SIGLEC1: variants seen among roughly 807,000 people sequenced by gnomAD.
SIGLEC1 encodes sialic acid binding Ig like lectin 1.
SIGLEC1 carries 132 observed loss-of-function variants against 148.0 expected under a neutral mutation model. That is an observed-to-expected ratio of 0.89 (90% CI 0.77 to 1.03). The LOEUF is 1.03. Ranked by LOEUF, SIGLEC1 falls within the 50% of genes least tolerant of loss-of-function variation. The pLI is 0.00. For synonymous variants in SIGLEC1, 945 were observed against 969.0 expected, an observed-to-expected ratio of 0.98 and a Z score of 0.46; for missense variants, 2,253 against 2,271.4, an observed-to-expected ratio of 0.99 and a Z score of 0.16.
In SIGLEC1 at chr20:3,688,604, C is replaced by T; in HGVS notation, c.5086G>A (p.Ala1696Thr). Residue 1696 changes from alanine (A) to threonine (T), a missense_variant, in exon 22 of 22, where the codon GCA (alanine) becomes ACA (threonine). Coordinates refer to ENST00000344754, the MANE Select transcript of SIGLEC1 (RefSeq NM_023068.4). ...CAGGTTGAGGTCTCACATGTGGCTGCATCAGGATCAATGAGCTTCCCACAG... is the reference window on the plus strand; with the variant it reads ...CAGGTTGAGGTCTCACATGTGGCTGTATCAGGATCAATGAGCTTCCCACAG... ...KETTQLIDPD[A>T]ATCETSTCAP... 2 of 1,601,150 alleles carry T rather than the reference C, an allele frequency of 1.2e-6. No individual in the cohort carries two copies. Among genetic ancestry groups the T allele is most frequent in the Non-Finnish European group, 1.7e-6 (2 of 1,173,466 alleles).
chr20:3,692,627 T>G lies in SIGLEC1; in HGVS notation c.3924A>C (p.Ser1308=). The G allele has an allele frequency of 6.2e-7, 1 of 1,612,856 alleles. No homozygotes were observed. Among genetic ancestry groups the G allele is most frequent in the Non-Finnish European group, 8.5e-7 (1 of 1,179,984 alleles). The change falls in exon 16 of 22, where the codon TCA becomes TCC. Residue 1308 remains serine (S), a synonymous_variant. Transcript: ENST00000344754. Reference sequence around the variant, plus strand: ...CCCGCGTGGCCACCAGGAATGAGAGTGAGGCAGCTGGACCCTCCTGCAGCC... The same window carrying G: ...CCCGCGTGGCCACCAGGAATGAGAGGGAGGCAGCTGGACCCTCCTGCAGCC... The part of the protein sequence containing the change: ...GRWLQEGPAA[S]LSFLVATRAH...
rs16988862 is a variant in SIGLEC1 at position 3,689,448 on chromosome 20, T to C, written c.4997+152A>G. On this transcript the variant is annotated intron_variant, in intron 20 of 21. Transcript: ENST00000344754. ...AGCAAGGAGGATTTAGGGACAATTC[T>C]AGAAGGGATTTCCAATTTGGAGGGG... The C allele has an allele frequency of 0.011, 6,985 of 659,954 alleles. 301 individuals carry two copies. The African/African-American group carries it at 0.11, about 10-fold the overall frequency. The allele number at this position is 659,954 out of a possible 1,614,324, so 40.9% of individuals were successfully genotyped here.
intron 11 of SIGLEC1, among the ~76,000 whole-genome samples, chr20:3,696,044 C>T (rs1025382468): frequency 2.0e-5 from 3 of 151,694 alleles, no homozygotes; most frequent in African/African-American, 4.8e-5. Context: ...GTGATCCGCC[C>T]GCCTCAGCCT....
rs2088784420 is a variant in SIGLEC1 at position 3,693,248 on chromosome 20, A to G, written c.3509-117T>C. On this transcript the variant is annotated intron_variant, in intron 14 of 21. Transcript: ENST00000344754. ...CTCCCCACCCCTATGGCTCCCAACC[A>G]CCCAGTCTGAGGCACTGCTCCTCTG... 4.7e-6 allele frequency: 6 copies of G among 1,273,750 alleles called. No individual in the cohort carries two copies. The East Asian group carries it at 1.2e-4, about 26-fold the overall frequency. 78.9% of individuals were successfully genotyped at this position (1,273,750 alleles called of 1,614,324 possible).
Position 3,707,075 on chromosome 20 carries a change from C to T in SIGLEC1, c.49+5G>A, listed in dbSNP as rs767646360. The T allele has an allele frequency of 1.9e-6, 3 of 1,613,894 alleles. No homozygotes were observed. Among genetic ancestry groups the T allele is most frequent in the Non-Finnish European group, 2.5e-6 (3 of 1,179,916 alleles). ...GAAGACAGGCACTAGGCCCGCAAAG[C>T]TTACCTGCTGGGAAGAATGAGGCCA... On this transcript the variant is annotated splice_donor_5th_base_variant and intron_variant, in intron 2 of 21. Coordinates refer to ENST00000344754, the MANE Select transcript of SIGLEC1 (RefSeq NM_023068.4).
Position 3,694,781 on chromosome 20 carries a change from C to T in SIGLEC1, c.2826G>A (p.Ser942=), listed in dbSNP as rs762801886. Residue 942 remains serine, a synonymous_variant, in exon 12 of 22, where the codon TCG becomes TCA. Coordinates refer to ENST00000344754, the MANE Select transcript of SIGLEC1 (RefSeq NM_023068.4). Reference sequence around the variant, plus strand: ...TTATGGCTGCAAAGCGGAGCGTGGCCGAGGTCGACTCCTGGAGGGGCTGGC... The same window carrying T: ...TTATGGCTGCAAAGCGGAGCGTGGCTGAGGTCGACTCCTGGAGGGGCTGGC... The part of the protein sequence containing the change: ...RDGQPLQEST[S]ATLRFAAITL... 23 of 1,613,508 alleles carry T rather than the reference C, an allele frequency of 1.4e-5. No homozygotes were observed. The highest frequency in any genetic ancestry group is 6.7e-5 in the East Asian group (3 of 44,892).
In SIGLEC1 at chr20:3,697,903, G is replaced by C; in HGVS notation, c.2017C>G (p.Arg673Gly). 2 of 1,613,080 alleles carry C rather than the reference G, an allele frequency of 1.2e-6. No individual in the cohort carries two copies. The highest frequency in any genetic ancestry group is 1.7e-6 in the Non-Finnish European group (2 of 1,179,956). Residue 673 changes from arginine to glycine, a missense_variant, in exon 9 of 22, where the codon CGT becomes GGT. Physicochemically the swap from Arg to Gly is moderately radical, Grantham distance 125. Coordinates refer to ENST00000344754, the MANE Select transcript of SIGLEC1 (RefSeq NM_023068.4). ...MKVTKAPNLL[R>G]VEIHNPLLEE... ...AGCAAAGGGTTGTGAATCTCCACAC[G>C]CAGCAAGTTGGGGGCTTTGGTGACC... is the stretch of plus-strand genomic sequence containing the variant.
rs1159114912 is a variant in SIGLEC1 at position 3,687,254 on chromosome 20, C to A, written c.*1306G>T. On this transcript the variant is annotated 3_prime_UTR_variant, in exon 22 of 22. Coordinates refer to ENST00000344754, the MANE Select transcript of SIGLEC1 (RefSeq NM_023068.4). ...AGTCACTAGCCCACTCAAGAGCTCT[C>A]TCCTGTTGGTCCCTGATTCGCAGGG... 6.6e-6 allele frequency: 1 copy of A among 152,290 alleles called. No homozygotes were observed. Among genetic ancestry groups the A allele is most frequent in the Non-Finnish European group, 1.5e-5 (1 of 68,066 alleles). 9.4% of individuals were successfully genotyped at this position (152,290 alleles called of 1,614,324 possible). A position where few individuals can be genotyped will look rare whatever the true frequency, so the allele number is the denominator to read the frequency against.
In SIGLEC1 at chr20:3,707,245, T is replaced by C. The variant is rs1600292192; in HGVS notation, c.-109-8A>G. 11 of 843,800 alleles carry C rather than the reference T, an allele frequency of 1.3e-5. No homozygotes were observed. In the Admixed American group the frequency reaches 1.8e-4, roughly 14 times the overall value. The allele number at this position is 843,800 out of a possible 1,614,324, so 52.3% of individuals were successfully genotyped here. ...CTTTAGCCCCAGCACCTGCTAGAAGTCCGAGCCTGTGTCCCCACCTCCTCT... is the reference window on the plus strand; with the variant it reads ...CTTTAGCCCCAGCACCTGCTAGAAGCCCGAGCCTGTGTCCCCACCTCCTCT... On this transcript the variant is annotated splice_region_variant and splice_polypyrimidine_tract_variant and intron_variant, in intron 1 of 21. Transcript: ENST00000344754.
At chr20:3,689,728 C>A in intron 19 of SIGLEC1, 26 bp from the exon 20 acceptor site, 1 of 1,543,184 alleles carries the variant, frequency 6.5e-7, no homozygotes, top group Non-Finnish European at 8.8e-7. Flanking sequence ...GGACTCAGAG[C>A]AGCCACAGCT....
chr20:3,709,853 C>T (rs1182246669), intron 1 of SIGLEC1, among the ~76,000 whole-genome samples: 4 of 152,096 alleles, frequency 2.6e-5, no homozygotes, highest in East Asian at 3.9e-4. Flanking sequence ...ATCTAGACTA[C>T]GTATATTCAG....
In SIGLEC1 at chr20:3,705,902, G is replaced by C. The variant is rs1289021053; in HGVS notation, c.548C>G (p.Ser183Cys). ...LQWQGQDPAR[S>C]VTFNSQKFEP... Reference sequence around the variant, plus strand: ...AAACTTCTGGCTGTTGAAGGTGACAGAGCGAGCAGGGTCCTGGCCTTGCCA... The same window carrying C: ...AAACTTCTGGCTGTTGAAGGTGACACAGCGAGCAGGGTCCTGGCCTTGCCA... The change falls in exon 4 of 22, where the codon TCT becomes TGT. Residue 183 changes from serine (S) to cysteine (C), a missense_variant. Coordinates refer to ENST00000344754, the MANE Select transcript of SIGLEC1 (RefSeq NM_023068.4). 6.2e-7 allele frequency: 1 copy of C among 1,614,194 alleles called. No individual in the cohort carries two copies.
At position 3,703,258 on chromosome 20, in the gene SIGLEC1, G is replaced by A; in HGVS notation, c.1167C>T (p.Phe389=). The A allele has an allele frequency of 1.2e-6, 2 of 1,614,194 alleles. No homozygotes were observed. Among genetic ancestry groups the A allele is most frequent in the Non-Finnish European group, 8.5e-7 (1 of 1,180,038 alleles). Residue 389 remains phenylalanine (F), a synonymous_variant, in exon 6 of 22, where the codon TTC becomes TTT. Transcript: ENST00000344754. ...LATRADTGFY[F]CEVQNVHGSE... is the part of the protein sequence containing the mutation. Reference sequence around the variant, plus strand: ...TGCCATGGACGTTCTGCACCTCACAGAAGTAGAAGCCAGTATCAGCCCTAG... The same window carrying A: ...TGCCATGGACGTTCTGCACCTCACAAAAGTAGAAGCCAGTATCAGCCCTAG...
At chr20:3,693,362 A>G (rs1160771739) in intron 14 of SIGLEC1, 85 bp downstream of exon 14, 1 of 1,439,942 alleles carries the variant, frequency 6.9e-7, no homozygotes, top group Admixed American at 2.3e-5. Flanking sequence ...TCCCCACTGG[A>G]CACCTGTCGG....
rs762236018 is a variant in SIGLEC1, at chr20:3,692,165, G to A, written c.4068C>T (p.Asp1356=). Residue 1356 remains aspartate (D), a synonymous_variant, in exon 17 of 22, where the codon GAC becomes GAT. Coordinates refer to ENST00000344754, the MANE Select transcript of SIGLEC1 (RefSeq NM_023068.4). ...PQDAVLSSFR[D]SRARSMAVIQ... ...TCACAGCCATGGATCTGGCCCTGGA[G>A]TCCCGGAAGGAGGACAGGACAGCGT... The A allele has an allele frequency of 7.6e-6, 12 of 1,577,394 alleles. No homozygotes were observed. Among genetic ancestry groups the A allele is most frequent in the South Asian group, 1.1e-5 (1 of 88,844 alleles).
intron 18 of SIGLEC1, 64 bp from the exon 19 acceptor site, chr20:3,690,328 C>T (rs994041152): frequency 7.4e-7 from 1 of 1,343,994 alleles, no homozygotes; most frequent in Non-Finnish European, 1.0e-6. Flanking sequence ...CTCCCTGTAC[C>T]CATGCACAGT....
rs1325946294 is a variant in SIGLEC1, at chr20:3,693,493, A to AG, written c.3461dup (p.Gly1155TrpfsTer82). On this transcript the variant is annotated frameshift_variant, in exon 14 of 22. Transcript: ENST00000344754. LOFTEE classifies it high-confidence loss of function. ...GTCTGGAGAGGCGGGGTGCCCGACC[A>AG]GGGGGGCCCACACCGCAGCGGTAGG... is the stretch of plus-strand genomic sequence containing the variant. 1 of 1,605,940 alleles carries AG rather than the reference A, an allele frequency of 6.2e-7. No individual in the cohort carries two copies. Among genetic ancestry groups the AG allele is most frequent in the South Asian group, 1.1e-5 (1 of 90,104 alleles).
At position 3,698,048 on chromosome 20, in the gene SIGLEC1, G is replaced by C; in HGVS notation, c.1872C>G (p.Cys624Trp). 1 of 1,607,506 alleles carries C rather than the reference G, an allele frequency of 6.2e-7. No individual in the cohort carries two copies. Among genetic ancestry groups the C allele is most frequent in the African/African-American group, 1.3e-5 (1 of 74,790 alleles). ...AGAGRRGLLL[C>W]RVDSDPPARL... Reference sequence around the variant, plus strand: ...TGGCGGGGGGGTCGCTGTCCACACGGCACAAAAGGAGGCCTCGCCGTCCAG... The same window carrying C: ...TGGCGGGGGGGTCGCTGTCCACACGCCACAAAAGGAGGCCTCGCCGTCCAG... Residue 624 changes from cysteine (C) to tryptophan (W), a missense_variant, in exon 9 of 22, where the codon TGC becomes TGG. Coordinates refer to ENST00000344754, the MANE Select transcript of SIGLEC1 (RefSeq NM_023068.4).
rs199784366 is a variant in SIGLEC1, at chr20:3,694,801, G to T, written c.2806C>A (p.Pro936Thr). 277 of 1,613,616 alleles carry T rather than the reference G, an allele frequency of 1.7e-4. 1 individual carries two copies. The highest frequency in any genetic ancestry group is 8.3e-4 in the South Asian group (76 of 91,086). ...GTGGCCGAGGTCGACTCCTGGAGGGGCTGGCCATCCCGATACCAACGATAT... is the reference window on the plus strand; with the variant it reads ...GTGGCCGAGGTCGACTCCTGGAGGGTCTGGCCATCCCGATACCAACGATAT... ...TSYRWYRDGQ[P>T]LQESTSATLR... is the part of the protein sequence containing the mutation. The change falls in exon 12 of 22, where the codon CCC (proline) becomes ACC (threonine). Residue 936 changes from proline (P) to threonine (T), a missense_variant. Pro to Thr is a conservative substitution (Grantham distance 38). Transcript: ENST00000344754.
Sources: allele counts gnomAD v4.1 joint callset (sites outside exome capture counted in the v4.1 genomes callset), GRCh38; gene constraint gnomAD v4.1.1; transcripts MANE v1.5; gene names NCBI Gene and HGNC (gene_info 2026-07-23, HGNC 2026-07-21).